Variants in FSIP1 observed in about 807,000 individuals in gnomAD.
FSIP1 encodes the protein fibrous sheath-interacting protein 1.
A neutral mutation model predicts 60.9 loss-of-function variants in FSIP1; 65 were observed. The observed-to-expected ratio is 1.07, with a 90% CI of 0.87 to 1.31. The LOEUF (loss-of-function observed/expected upper bound fraction) is 1.31, where lower values mean the gene tolerates loss of function less well. FSIP1 is among the 40% of genes most tolerant of loss of function. The pLI, the probability that FSIP1 is intolerant of heterozygous loss-of-function variation, is 0.00. For missense variants in FSIP1, 675 were observed against 665.5 expected (o/e 1.01, Z -0.16); for synonymous variants, 209 against 221.2 (o/e 0.94, Z 0.49).
intron 5 of FSIP1, among the ~76,000 whole-genome samples, chr15:39,763,334 A>G (rs1897569666): frequency 6.6e-6 from 1 of 152,244 alleles, no homozygotes; most frequent in African/African-American, 2.4e-5. Context: ...TCTGTTTTCA[A>G]AAAGGAAGAT....
At chr15:39,606,998 G>C (rs1198552750) in intron 11 of FSIP1, among the ~76,000 whole-genome samples, 3 of 152,172 alleles carry the variant, frequency 2.0e-5, no homozygotes, top group African/African-American at 7.2e-5. Flanking sequence ...CTGAGGTTAA[G>C]TGTGACCTGA....
At position 39,739,724 on chromosome 15, in the gene FSIP1, T is replaced by C. The variant is rs1896740907; in HGVS notation, c.721A>G (p.Thr241Ala). The stretch of plus-strand genomic sequence containing the variant: ...TTACCCCTGAGCTCAATCTTTTCTG[T>C]ATTCGAGAAAGGTTTCTTTCCTGAT... Reference protein sequence around the residue: ...IKSGKKPFSNTEKIELRGKHN... With the variant: ...IKSGKKPFSNAEKIELRGKHN... The change falls in exon 7 of 12, where the codon ACA (threonine) becomes GCA (alanine). Residue 241 changes from threonine (T) to alanine (A), a missense_variant. Transcript: ENST00000350221. 2.5e-6 allele frequency: 4 copies of C among 1,600,570 alleles called. No individual in the cohort carries two copies.
chr15:39,740,268 A>G (rs1896759637), intron 6 of FSIP1, among the ~76,000 whole-genome samples: 1 of 151,354 alleles, frequency 6.6e-6, no homozygotes, highest in Non-Finnish European at 1.5e-5. Context: ...AAGGTCTGGG[A>G]GTTAGCGTCC....
At chr15:39,727,255 C>T (rs1566903772) in intron 8 of FSIP1, among the ~76,000 whole-genome samples, 1 of 152,174 alleles carries the variant, frequency 6.6e-6, no homozygotes, top group Non-Finnish European at 1.5e-5. Context: ...TACATTCATT[C>T]AAAAATAATG....
intron 11 of FSIP1, among the ~76,000 whole-genome samples, chr15:39,603,587 G>C (rs561415828): frequency 6.6e-6 from 1 of 152,174 alleles, no homozygotes; most frequent in South Asian, 2.1e-4. Flanking sequence ...AAATATTAAC[G>C]AAGAAAGAGT....
At chr15:39,664,435 A>G (rs897206298) in intron 10 of FSIP1, among the ~76,000 whole-genome samples, 1 of 152,204 alleles carries the variant, frequency 6.6e-6, no homozygotes, top group South Asian at 2.1e-4. Context: ...ATTTACAGCC[A>G]AGCCAAAGCT....
intron 11 of FSIP1, among the ~76,000 whole-genome samples, chr15:39,617,341 G>A (rs982319803): frequency 8.5e-5 from 13 of 152,246 alleles, no homozygotes; most frequent in African/African-American, 2.4e-4. Context: ...TAACCACAAT[G>A]AGTTACAAGT....
intron 9 of FSIP1, among the ~76,000 whole-genome samples, chr15:39,725,607 T>C (rs146301761): frequency 1.3e-5 from 2 of 152,304 alleles, no homozygotes; most frequent in East Asian, 1.9e-4. Flanking sequence ...TCATCTACAA[T>C]TGTAGAGAAA....
At chr15:39,771,868 G>A (rs147094255) in intron 2 of FSIP1, among the ~76,000 whole-genome samples, 13 of 152,250 alleles carry the variant, frequency 8.5e-5, no homozygotes, top group South Asian at 2.1e-4. Flanking sequence ...AAGGCCTTCC[G>A]TCCTGTGAAA....
At chr15:39,651,704 T>C (rs1011484670) in intron 10 of FSIP1, among the ~76,000 whole-genome samples, 3 of 152,246 alleles carry the variant, frequency 2.0e-5, no homozygotes, top group Non-Finnish European at 4.4e-5. Flanking sequence ...AAAGGACAGT[T>C]AGAAAGAATT....
chr15:39,698,207 T>C (rs1484897983), intron 10 of FSIP1, among the ~76,000 whole-genome samples: 3 of 148,760 alleles, frequency 2.0e-5, no homozygotes, highest in South Asian at 4.2e-4. Flanking sequence ...ATATATAATA[T>C]ACAATTAATA....
chr15:39,731,809 T>C (rs986630697), intron 8 of FSIP1, among the ~76,000 whole-genome samples: 5 of 152,108 alleles, frequency 3.3e-5, no homozygotes, highest in African/African-American at 1.2e-4. Flanking sequence ...TACTACTAGA[T>C]GTGAGTGACC....
At chr15:39,755,019 T>C (rs140680124) in intron 5 of FSIP1, among the ~76,000 whole-genome samples, 51 of 152,152 alleles carry the variant, frequency 3.4e-4, no homozygotes, top group African/African-American at 1.2e-3. Context: ...AAGTCTGACC[T>C]TTAAGGAGAA....
At chr15:39,672,706 C>A (rs181182340) in intron 10 of FSIP1, among the ~76,000 whole-genome samples, 1 of 152,132 alleles carries the variant, frequency 6.6e-6, no homozygotes, top group African/African-American at 2.4e-5. Flanking sequence ...AGATAACTCA[C>A]GGTAGTTATT....
At chr15:39,780,113 A>C (rs1206892102) in intron 1 of FSIP1, among the ~76,000 whole-genome samples, 1 of 152,230 alleles carries the variant, frequency 6.6e-6, no homozygotes, top group East Asian at 1.9e-4. Flanking sequence ...AGAGACTTGC[A>C]GGTCTCATTT....
At chr15:39,742,775 C>G (rs1896848686) in intron 5 of FSIP1, among the ~76,000 whole-genome samples, 1 of 152,150 alleles carries the variant, frequency 6.6e-6, no homozygotes, top group Non-Finnish European at 1.5e-5. Context: ...ACTTCTGCTA[C>G]AAACACTAAT....
intron 10 of FSIP1, among the ~76,000 whole-genome samples, chr15:39,647,010 A>G (rs1555389604): frequency 1.3e-5 from 2 of 152,174 alleles, no homozygotes; most frequent in Non-Finnish European, 2.9e-5. Context: ...TATGGAATCT[A>G]AAAAAAGAAA....
intron 10 of FSIP1, among the ~76,000 whole-genome samples, chr15:39,632,958 G>A (rs546052030): frequency 1.1e-4 from 17 of 152,080 alleles, no homozygotes; most frequent in African/African-American, 3.9e-4. Flanking sequence ...GTGATAGGTC[G>A]AAATACAAGG....
intron 5 of FSIP1, chr15:39,747,344 G>T (rs912193544): frequency 6.6e-6 from 1 of 152,102 alleles, no homozygotes; most frequent in Non-Finnish European, 1.5e-5. Flanking sequence ...AATATAATCT[G>T]GACTTTTAGG....
Sources: gnomAD v4.1 joint callset for allele counts (sites outside exome capture counted in the v4.1 genomes callset) on GRCh38, gnomAD v4.1.1 for gene constraint, MANE v1.5 for transcripts, NCBI Gene and HGNC (gene_info 2026-07-23, HGNC 2026-07-21) for gene names.